Variants in NOL4 observed in about 807,000 individuals in gnomAD.
NOL4 encodes the protein cancer/testis antigen 125.
Under a neutral mutation model 75.9 loss-of-function variants are expected in NOL4, and 17 were observed. The ratio of observed to expected loss-of-function variants is 0.22; its 90% CI spans 0.15 to 0.34. NOL4 has a LOEUF of 0.34. NOL4 is among the 10% of genes least tolerant of loss of function. NOL4 has a pLI of 1.00. For missense variants in NOL4, 614 were observed against 793.5 expected (o/e 0.77, Z 2.72); for synonymous variants, 292 against 289.9 (o/e 1.01, Z -0.07).
intron 5 of NOL4, among the ~76,000 whole-genome samples, chr18:34,025,527 TC>T (rs2075297625): frequency 6.6e-6 from 1 of 152,134 alleles, no homozygotes; most frequent in Non-Finnish European, 1.5e-5. Context: ...GTCCTCTGGG[TC>T]CTGCATGTTC....
At position 34,217,750 on chromosome 18, in the gene NOL4, GTATGTGTGTGTA is replaced by G. The variant is rs1454861956; in HGVS notation, c.264+5228_264+5239del. ...TGCTACATATACCACATGCTTGTGT[GTATGTGTGTGTA>G]TATGTATGTGTATATATGTGTGCAT... On this transcript the variant is annotated intron_variant, in intron 1 of 10. Transcript: ENST00000261592. Among the ~76,000 whole-genome samples the G allele has an allele frequency of 1.3e-4, 20 of 151,872 alleles. No homozygotes were observed. In the Middle Eastern group the frequency reaches 0.01, roughly 77 times the overall value.
intron 5 of NOL4, among the ~76,000 whole-genome samples, chr18:34,055,092 T>C (rs1316510226): frequency 2.6e-5 from 4 of 151,568 alleles, no homozygotes; most frequent in Non-Finnish European, 5.9e-5. Flanking sequence ...TACATCTTTA[T>C]GTATTTTATA....
chr18:34,186,052 A>C (rs920617333), intron 1 of NOL4, among the ~76,000 whole-genome samples: 1 of 152,154 alleles, frequency 6.6e-6, no homozygotes, highest in Non-Finnish European at 1.5e-5. Flanking sequence ...TGATATCTTT[A>C]GTTCTGAAAT....
chr18:33,900,610 G>A (rs760363934), intron 9 of NOL4, among the ~76,000 whole-genome samples: 2 of 151,894 alleles, frequency 1.3e-5, no homozygotes, highest in Non-Finnish European at 1.5e-5. Context: ...CATTTGAAAC[G>A]GAAGGAAAAA....
At chr18:34,208,702 C>CAA (rs1193128002) in intron 1 of NOL4, among the ~76,000 whole-genome samples, 1 of 146,134 alleles carries the variant, frequency 6.8e-6, no homozygotes, top group Non-Finnish European at 1.5e-5. Flanking sequence ...CTAAAATCAC[C>CAA]AAAAAAAAAA....
At chr18:33,978,329 A>C (rs976244777) in intron 6 of NOL4, among the ~76,000 whole-genome samples, 1 of 152,178 alleles carries the variant, frequency 6.6e-6, no homozygotes, top group African/African-American at 2.4e-5. Flanking sequence ...GATAGGAAAA[A>C]TGGCCAAATT....
intron 5 of NOL4, among the ~76,000 whole-genome samples, chr18:34,049,840 G>T (rs945846329): frequency 1.3e-5 from 2 of 152,056 alleles, no homozygotes; most frequent in African/African-American, 4.8e-5. Context: ...ACTCAGAGGT[G>T]TGAGAATCTA....
At chr18:33,942,950 A>G (rs2068593102) in intron 9 of NOL4, 115 bp downstream of exon 9, 3 of 675,090 alleles carry the variant, frequency 4.4e-6, no homozygotes, top group African/African-American at 3.6e-5. Context: ...CACAAAAACT[A>G]TATCTCTGTG....
intron 1 of NOL4, among the ~76,000 whole-genome samples, chr18:34,172,007 C>T (rs1427400492): frequency 6.6e-6 from 1 of 151,976 alleles, no homozygotes. Context: ...AGAATGAGAG[C>T]TTTTGTACAA....
At position 33,932,572 on chromosome 18, in the gene NOL4, A is replaced by G. The variant is rs531394343; in HGVS notation, c.1542+10493T>C. Among the ~76,000 whole-genome samples, 377 of 152,254 alleles carry G rather than the reference A, an allele frequency of 2.5e-3. 2 individuals carry two copies. Among genetic ancestry groups the G allele is most frequent in the Non-Finnish European group, 4.4e-3 (299 of 68,008 alleles). On this transcript the variant is annotated intron_variant, in intron 9 of 10. Transcript: ENST00000261592. ...CATTTTCATATGCAAATTATGATAG[A>G]AAAAAAGTAAAATTAGCACTTAATA... is the stretch of plus-strand genomic sequence containing the variant.
At chr18:34,162,929 C>T (rs375070102) in intron 1 of NOL4, among the ~76,000 whole-genome samples, 1 of 152,058 alleles carries the variant, frequency 6.6e-6, no homozygotes, top group Non-Finnish European at 1.5e-5. Context: ...TGCAAGGCTG[C>T]TTCAACATAC....
Position 33,958,268 on chromosome 18 carries a change from C to T in NOL4, c.1207G>A (p.Val403Ile), listed in dbSNP as rs202220763. The T allele has an allele frequency of 1.7e-5, 27 of 1,613,630 alleles. No homozygotes were observed. The Admixed American group carries it at 2.2e-4, about 13-fold the overall frequency. The part of the protein sequence containing the change: ...DSEKVNETDG[V>I]EAERLKAFNM... The stretch of plus-strand genomic sequence containing the variant: ...AAAGCTTTCAGCCGCTCGGCTTCAA[C>T]GCCGTCTGTCTCATTAACTTTCTCC... Residue 403 changes from valine (V) to isoleucine (I), a missense_variant, in exon 7 of 11, where the codon GTT becomes ATT. Val to Ile is a conservative substitution (Grantham distance 29, BLOSUM62 3). Around this residue, in one of 9 missense-constraint regions of NOL4, gnomAD observed 196 missense variants for 167.9 expected, o/e 1.17. Transcript: ENST00000261592.
At chr18:33,980,862 A>G (rs2071894807) in intron 6 of NOL4, among the ~76,000 whole-genome samples, 2 of 152,038 alleles carry the variant, frequency 1.3e-5, no homozygotes. Flanking sequence ...TCAGAACCAG[A>G]CGCAGGTATG....
At chr18:34,134,987 T>C (rs2080832390) in intron 1 of NOL4, among the ~76,000 whole-genome samples, 1 of 152,152 alleles carries the variant, frequency 6.6e-6, no homozygotes, top group South Asian at 2.1e-4. Flanking sequence ...ATCAGACTTA[T>C]CTTTTCACCT....
chr18:34,062,500 AGTATGACCCTTT>A (rs1568292523), intron 5 of NOL4, among the ~76,000 whole-genome samples: 1 of 152,096 alleles, frequency 6.6e-6, no homozygotes, highest in African/African-American at 2.4e-5. Flanking sequence ...AAAGAAGTAC[AGTATGACCCTTT>A]CTTCATAAGT....
chr18:34,187,500 C>T (rs2034573023), intron 1 of NOL4, among the ~76,000 whole-genome samples: 1 of 151,820 alleles, frequency 6.6e-6, no homozygotes, highest in Admixed American at 6.6e-5. Flanking sequence ...CCTCAGCCTC[C>T]CGCGTAGCTG....
chr18:33,858,380 G>T (rs945282286), intron 10 of NOL4, among the ~76,000 whole-genome samples: 3 of 151,252 alleles, frequency 2.0e-5, no homozygotes, highest in Non-Finnish European at 1.5e-5. Flanking sequence ...TAGTTCTTTT[G>T]CCAAAGAGTA....
At chr18:33,959,933 C>G (rs2069965220) in intron 6 of NOL4, among the ~76,000 whole-genome samples, 1 of 149,222 alleles carries the variant, frequency 6.7e-6, no homozygotes, top group Non-Finnish European at 1.5e-5. Flanking sequence ...GTTTTTCTTT[C>G]TAAGTGTGTG....
chr18:34,063,685 C>A (rs1007257626), intron 5 of NOL4, among the ~76,000 whole-genome samples: 7 of 151,768 alleles, frequency 4.6e-5, no homozygotes, highest in Non-Finnish European at 7.4e-5. Flanking sequence ...TTGTTAGGAC[C>A]AAATAAAATA....
Sources: gnomAD v4.1 joint callset for allele counts (sites outside exome capture counted in the v4.1 genomes callset) on GRCh38, gnomAD v4.1.1 for gene constraint, gnomAD v4.1.1 regional missense constraint, MANE v1.5 for transcripts, NCBI Gene and HGNC (gene_info 2026-07-23, HGNC 2026-07-21) for gene names.